Variants in KIF1B observed in about 807,000 individuals in gnomAD.
KIF1B encodes kinesin family member 1B.
A neutral mutation model predicts 241.9 loss-of-function variants in KIF1B; 76 were observed. The observed-to-expected ratio is 0.31, with a 90% confidence interval of 0.26 to 0.38. The LOEUF is 0.38. KIF1B is among the 10% of genes least tolerant of loss of function. KIF1B has a pLI of 1.00. For synonymous variants in KIF1B, 750 were observed against 796.7 expected, an observed-to-expected ratio of 0.94 and a Z score of 0.99; for missense variants, 1,622 against 2,271.4, an observed-to-expected ratio of 0.71 and a Z score of 5.81.
intron 2 of KIF1B, among the ~76,000 whole-genome samples, chr1:10,253,074 C>T (rs919002974): frequency 6.6e-6 from 1 of 152,076 alleles, no homozygotes; most frequent in Non-Finnish European, 1.5e-5. Flanking sequence ...AGTGGGGTGG[C>T]CACATACATG....
chr1:10,245,114 C>CGA (rs1273352976), intron 2 of KIF1B, among the ~76,000 whole-genome samples: 1 of 152,160 alleles, frequency 6.6e-6, no homozygotes, highest in Non-Finnish European at 1.5e-5. Flanking sequence ...TTACTAGACA[C>CGA]TGAGATATTA....
At chr1:10,263,159 C>T (rs1196425449) in intron 5 of KIF1B, among the ~76,000 whole-genome samples, 1 of 151,936 alleles carries the variant, frequency 6.6e-6, no homozygotes, top group Non-Finnish European at 1.5e-5. Flanking sequence ...TGGTGCACAC[C>T]TGTAATCCCA....
At chr1:10,282,195 C>T (rs1013800965) in intron 14 of KIF1B, 127 bp from the exon 15 acceptor site, 7 of 701,566 alleles carry the variant, frequency 1.0e-5, no homozygotes, top group African/African-American at 5.3e-5. Flanking sequence ...TGTATTATAG[C>T]GTGTCTTGGT....
intron 1 of KIF1B, among the ~76,000 whole-genome samples, chr1:10,215,832 A>G (rs1270698920): frequency 6.6e-6 from 1 of 152,170 alleles, no homozygotes; most frequent in Non-Finnish European, 1.5e-5. Flanking sequence ...TAAAGGCATG[A>G]GCCCCTGTGC....
At chr1:10,348,349 T>C (rs1652663580) in intron 36 of KIF1B, among the ~76,000 whole-genome samples, 3 of 152,166 alleles carry the variant, frequency 2.0e-5, no homozygotes, top group African/African-American at 7.2e-5. Context: ...TGAATACTTA[T>C]TATACAAGGG....
chr1:10,242,057 C>T (rs1158728155), intron 2 of KIF1B, among the ~76,000 whole-genome samples: 1 of 152,028 alleles, frequency 6.6e-6, no homozygotes, highest in East Asian at 1.9e-4. Context: ...GGATGAATGC[C>T]TTGTACATAC....
At chr1:10,266,031 G>A (rs1042959674) in intron 5 of KIF1B, among the ~76,000 whole-genome samples, 1 of 152,100 alleles carries the variant, frequency 6.6e-6, no homozygotes, top group Non-Finnish European at 1.5e-5. Flanking sequence ...GATACAGAAG[G>A]ATCTGTTTCC....
chr1:10,292,158 G>A (rs1450566997), intron 17 of KIF1B, 36 bp downstream of exon 17: 5 of 1,554,602 alleles, frequency 3.2e-6, no homozygotes, highest in Non-Finnish European at 3.6e-6. Flanking sequence ...ATCAGACAGA[G>A]ACACTTTTTG....
chr1:10,303,921 A>C lies in KIF1B; in HGVS notation c.2115+6675A>C, dbSNP rs781526506. On this transcript the variant is annotated intron_variant, in intron 22 of 48. Transcript: ENST00000676179. The surrounding 1 kb of genome is among the most constrained non-coding windows in gnomAD (Gnocchi z 5.2). ...TTTCCCAGCTGATGAATGGGGATCCAGCTTTTAGACGTGGACGTCTGCGCT... is the reference window on the plus strand; with the variant it reads ...TTTCCCAGCTGATGAATGGGGATCCCGCTTTTAGACGTGGACGTCTGCGCT... 1.9e-6 allele frequency: 3 copies of C among 1,614,206 alleles called. No individual in the cohort carries two copies. In the Admixed American group the frequency reaches 5.0e-5, roughly 27 times the overall value.
chr1:10,371,222 C>A lies in KIF1B; in HGVS notation c.4906C>A (p.Pro1636Thr), dbSNP rs1286090878. 5 of 1,613,990 alleles carry A rather than the reference C, an allele frequency of 3.1e-6. No homozygotes were observed. The African/African-American group carries it at 6.7e-5, about 22-fold the overall frequency. The change falls in exon 45 of 49, where the codon CCC becomes ACC. Residue 1636 changes from proline (P) to threonine (T), a missense_variant. Physicochemically the swap from Pro to Thr is conservative, Grantham distance 38. This residue lies in a region of KIF1B where 357 missense variants were observed against 409.0 expected (regional missense o/e 0.87). Coordinates refer to ENST00000676179, the MANE Select transcript of KIF1B (RefSeq NM_001365951.3). ...SATLTPSSTC[P>T]SLVDSRSNSL... ...CACCCTCACTCCCTCCTCCACCTGT[C>A]CCTCTCTGGTAGACTCTAGGAGCAA...
chr1:10,283,050 AC>A (rs1649495016), intron 15 of KIF1B, among the ~76,000 whole-genome samples: 1 of 151,890 alleles, frequency 6.6e-6, no homozygotes, highest in Admixed American at 6.6e-5. Context: ...TACTAAAAAT[AC>A]AAAAAATTAG....
At chr1:10,334,438 G>A in intron 27 of KIF1B, 82 bp from the exon 28 acceptor site, 2 of 1,054,318 alleles carry the variant, frequency 1.9e-6, no homozygotes, top group South Asian at 2.5e-5. Flanking sequence ...CACAGTTGCA[G>A]GAAGATGTTC....
chr1:10,363,263 G>C lies in KIF1B; in HGVS notation c.4305-20G>C, dbSNP rs1279066873. The C allele has an allele frequency of 6.2e-7, 1 of 1,602,130 alleles. No homozygotes were observed. ...TTGTGCTTTAAGAGATTAAACAATT[G>C]TTTTATTTTCTTCAAATAGGAATCG... is the stretch of plus-strand genomic sequence containing the variant. On this transcript the variant is annotated intron_variant, in intron 40 of 48. Coordinates refer to ENST00000676179, the MANE Select transcript of KIF1B (RefSeq NM_001365951.3).
intron 2 of KIF1B, among the ~76,000 whole-genome samples, chr1:10,250,370 G>A (rs987044082): frequency 2.1e-5 from 3 of 145,770 alleles, no homozygotes; most frequent in African/African-American, 2.6e-5. Flanking sequence ...ACGGAGCCTC[G>A]CTCTGTTGCC....
chr1:10,226,002 TAAA>T (rs1422183416), intron 1 of KIF1B, among the ~76,000 whole-genome samples: 1 of 151,970 alleles, frequency 6.6e-6, no homozygotes, highest in African/African-American at 2.4e-5. Context: ...GTAAAGATAA[TAAA>T]AAATATTTTT....
chr1:10,301,407 T>C (rs1650534704), intron 22 of KIF1B, among the ~76,000 whole-genome samples: 1 of 152,150 alleles, frequency 6.6e-6, no homozygotes, highest in Non-Finnish European at 1.5e-5. Flanking sequence ...GGCTCACCCC[T>C]GTAATCCCAG....
At chr1:10,368,607 C>T (rs1198288032) in intron 44 of KIF1B, 69 bp downstream of exon 44, 2 of 1,381,766 alleles carry the variant, frequency 1.4e-6, no homozygotes, top group Admixed American at 1.7e-5. Flanking sequence ...GCCCAGATTA[C>T]CTATTCCTGG....
chr1:10,341,588 T>C (rs1187981718), intron 32 of KIF1B, among the ~76,000 whole-genome samples: 1 of 152,208 alleles, frequency 6.6e-6, no homozygotes, highest in Non-Finnish European at 1.5e-5. Context: ...AAAGTTACTT[T>C]AGAATTAAAA....
intron 2 of KIF1B, among the ~76,000 whole-genome samples, chr1:10,232,759 T>C (rs1056060839): frequency 6.6e-6 from 1 of 152,222 alleles, no homozygotes; most frequent in Non-Finnish European, 1.5e-5. Flanking sequence ...AATATACCTA[T>C]CGAGGCTGCA....
Sources: allele counts gnomAD v4.1 joint callset (sites outside exome capture counted in the v4.1 genomes callset), GRCh38; gene constraint gnomAD v4.1.1; regional missense constraint gnomAD v4.1.1; non-coding constraint Gnocchi (gnomAD v3.1); transcripts MANE v1.5; gene names NCBI Gene and HGNC (gene_info 2026-07-23, HGNC 2026-07-21).